Variants in ZDHHC11 observed in about 807,000 individuals in gnomAD.
The protein encoded by ZDHHC11 is zDHHC palmitoyltransferase 11, also known as palmitoyltransferase ZDHHC11.
ZDHHC11 carries 44 observed loss-of-function variants against 51.3 expected under a neutral mutation model. That is an observed-to-expected ratio of 0.86 (90% CI 0.67 to 1.10). The LOEUF (loss-of-function observed/expected upper bound fraction) is 1.10, where lower values mean the gene tolerates loss of function less well. ZDHHC11 is among the 50% of genes least tolerant of loss of function. The pLI is 0.00. For missense variants in ZDHHC11, 400 were observed against 537.7 expected (o/e 0.74, Z 2.53); for synonymous variants, 163 against 222.0 (o/e 0.73, Z 2.36).
chr5:846,814 A>T (rs1181506845), intron 3 of ZDHHC11, among the ~76,000 whole-genome samples: 1 of 139,660 alleles, frequency 7.2e-6, no homozygotes, highest in African/African-American at 2.8e-5. Flanking sequence ...CAGGGGAAAC[A>T]CGTCTCATCT....
chr5:811,494 A>G (rs1740080984), intron 11 of ZDHHC11, among the ~76,000 whole-genome samples: 1 of 147,584 alleles, frequency 6.8e-6, no homozygotes, highest in Non-Finnish European at 1.5e-5. Flanking sequence ...TGAGCTGGAG[A>G]ACCCGGCTGG....
At position 800,188 on chromosome 5, in the gene ZDHHC11, C is replaced by T. The variant is rs1428703124; in HGVS notation, c.*7+912G>A. Among the ~76,000 whole-genome samples, 3 of 151,078 alleles carry T rather than the reference C, an allele frequency of 2.0e-5. 1 individual carries two copies. The highest frequency in any genetic ancestry group is 4.4e-5 in the Non-Finnish European group (3 of 67,640). The stretch of plus-strand genomic sequence containing the variant: ...GACGGCTGTGGGAAGCTGCCTGGAG[C>T]ACAGGAACTCTGAGGATACCAGGGC... On this transcript the variant is annotated intron_variant, in intron 12 of 12. Coordinates refer to ENST00000283441, the MANE Select transcript of ZDHHC11 (RefSeq NM_024786.3).
intron 7 of ZDHHC11, among the ~76,000 whole-genome samples, chr5:829,232 AC>A (rs1184506288): frequency 2.0e-5 from 3 of 151,422 alleles, no homozygotes; most frequent in African/African-American, 7.3e-5. Flanking sequence ...GAAAACACAA[AC>A]AAAATTGATT....
intron 11 of ZDHHC11, among the ~76,000 whole-genome samples, chr5:811,824 C>T (rs1267155396): frequency 6.9e-6 from 1 of 145,538 alleles, no homozygotes; most frequent in East Asian, 2.0e-4. Flanking sequence ...ATTGTCAAAA[C>T]TTTTAGAAAT....
At chr5:844,020 G>C (rs1225520680) in intron 3 of ZDHHC11, among the ~76,000 whole-genome samples, 5 of 144,242 alleles carry the variant, frequency 3.5e-5, no homozygotes, top group African/African-American at 1.4e-4. Flanking sequence ...GGGCATGCAG[G>C]GCAGGTGTGG....
intron 1 of ZDHHC11, among the ~76,000 whole-genome samples, chr5:850,104 G>C (rs1347992918): frequency 6.6e-6 from 1 of 152,250 alleles, no homozygotes; most frequent in Non-Finnish European, 1.5e-5. Context: ...CTGCCAGCAG[G>C]GCGGGTCCTG....
At chr5:807,257 A>AG (rs1460627475) in intron 11 of ZDHHC11, among the ~76,000 whole-genome samples, 1 of 150,830 alleles carries the variant, frequency 6.6e-6, no homozygotes, top group Non-Finnish European at 1.5e-5. Flanking sequence ...TTCTGTTAAA[A>AG]AAAAAAATGA....
upstream of ZDHHC11, among the ~76,000 whole-genome samples, chr5:851,797 T>C (rs1747268923): frequency 1.3e-5 from 2 of 152,174 alleles, no homozygotes; most frequent in African/African-American, 2.4e-5. Flanking sequence ...GGCTCACGCC[T>C]GTAATCCCAG....
At chr5:825,480 G>C (rs1213006603) in intron 7 of ZDHHC11, among the ~76,000 whole-genome samples, 2 of 152,106 alleles carry the variant, frequency 1.3e-5, no homozygotes, top group Non-Finnish European at 2.9e-5. Flanking sequence ...TTGCCACTGG[G>C]ACAATGCAAA....
rs558978910 is a variant in ZDHHC11 at position 850,370 on chromosome 5, G to T, written c.222+11C>A. 6.2e-7 allele frequency: 1 copy of T among 1,613,214 alleles called. No homozygotes were observed. The highest frequency in any genetic ancestry group is 1.3e-5 in the African/African-American group (1 of 75,050). On this transcript the variant is annotated intron_variant, in intron 1 of 12. Transcript: ENST00000283441. ...CCTCCCGCTTAGACCATGCCACGAT[G>T]AAAAGGATACCACGTAGGCAATGTA...
rs188156838 is a variant in ZDHHC11, at chr5:857,399, G to A, written c.-1+1475C>T. 2.0e-3 allele frequency among the ~76,000 whole-genome samples: 299 copies of A among 152,260 alleles called. 3 individuals are homozygous for A. Among genetic ancestry groups the A allele is most frequent in the African/African-American group, 6.9e-3 (286 of 41,532 alleles). ...CCTGCCACAGACCCCAGAGACCACA[G>A]GTGCCCATCCCACCCTATCAGGTCT... On this transcript the variant is annotated intron_variant, in intron 1 of 3. Coordinates refer to the ZDHHC11 transcript ENST00000685990.
intron 4 of ZDHHC11, chr5:841,708 C>T (rs1403790513): frequency 2.0e-6 from 2 of 992,408 alleles, no homozygotes; most frequent in African/African-American, 1.7e-5. Context: ...AGATATGGTC[C>T]TCTGTGACAC....
chr5:800,208 C>T (rs1172775622), intron 12 of ZDHHC11, among the ~76,000 whole-genome samples: 2 of 150,914 alleles, frequency 1.3e-5, no homozygotes, highest in African/African-American at 4.9e-5. Flanking sequence ...CTGAGGATAC[C>T]AGGGCTTTTG....
intron 11 of ZDHHC11, among the ~76,000 whole-genome samples, chr5:807,351 T>C (rs188283901): frequency 6.6e-6 from 1 of 151,084 alleles, no homozygotes. Context: ...GGAACAAAAT[T>C]TGAAGGAAAG....
At position 818,355 on chromosome 5, in the gene ZDHHC11, A is replaced by G. The variant is rs138189384; in HGVS notation, c.1146+1170T>C. 4.0e-3 allele frequency among the ~76,000 whole-genome samples: 601 copies of G among 151,722 alleles called. 15 individuals carry two copies. The highest frequency in any genetic ancestry group is 0.014 in the African/African-American group (586 of 41,434). On this transcript the variant is annotated intron_variant, in intron 10 of 12. Coordinates refer to ENST00000283441, the MANE Select transcript of ZDHHC11 (RefSeq NM_024786.3). ...CAATCGGTTTCCACTGAGTGTCTCCATATCTTTGCTGGAAGTGCAGGGAAG... is the reference window on the plus strand; with the variant it reads ...CAATCGGTTTCCACTGAGTGTCTCCGTATCTTTGCTGGAAGTGCAGGGAAG...
Position 820,236 on chromosome 5 carries a change from G to A in ZDHHC11, c.1059-624C>T, listed in dbSNP as rs118077519. Among the ~76,000 whole-genome samples, 301 of 122,864 alleles carry A rather than the reference G, an allele frequency of 2.4e-3. No individual in the cohort carries two copies. The East Asian group carries it at 0.064, about 26-fold the overall frequency. 80.6% of individuals were successfully genotyped at this position (122,864 alleles called of 152,430 possible). On this transcript the variant is annotated intron_variant, in intron 9 of 12. Coordinates refer to ENST00000283441, the MANE Select transcript of ZDHHC11 (RefSeq NM_024786.3). ...AAAGACCATAGTTACATGATAGTTT[G>A]AAGTGATATTCAAGTGCTTCGGATC...
At chr5:851,607 C>T (rs925997685), upstream of ZDHHC11, among the ~76,000 whole-genome samples, 13 of 152,348 alleles carry the variant, frequency 8.5e-5, no homozygotes, top group East Asian at 7.7e-4. Flanking sequence ...CAGTCGTGAA[C>T]GTCCATGATA....
chr5:850,296 C>T, intron 1 of ZDHHC11, 85 bp downstream of exon 1: 1 of 1,473,390 alleles, frequency 6.8e-7, no homozygotes, highest in South Asian at 1.3e-5. Flanking sequence ...ACCGGGCAGC[C>T]ATGGCCCAGA....
intron 5 of ZDHHC11, chr5:840,184 G>T (rs3822814): frequency 0.012 from 7,655 of 660,952 alleles, 190 homozygotes; most frequent in African/African-American, 0.095. Context: ...CCATTCCATT[G>T]TCTCTGAACA....
Sources: allele counts gnomAD v4.1 joint callset (sites outside exome capture counted in the v4.1 genomes callset), GRCh38; gene constraint gnomAD v4.1.1; transcripts MANE v1.5; gene names NCBI Gene and HGNC (gene_info 2026-07-23, HGNC 2026-07-21).